The following SDK1 variants were observed in gnomAD, a reference collection of about 807,000 sequenced individuals.
SDK1 encodes the protein protein sidekick-1.
Under a neutral mutation model 245.5 loss-of-function variants are expected in SDK1, and 157 were observed. The observed-to-expected ratio is 0.64, with a 90% confidence interval of 0.56 to 0.73. The LOEUF is 0.73. Ranked by LOEUF, SDK1 falls within the 30% of genes least tolerant of loss-of-function variation. SDK1 has a pLI of 0.00. For missense variants in SDK1, 3,583 were observed against 3,002.3 expected, an observed-to-expected ratio of 1.19 and a Z score of -4.52; for synonymous variants, 1,647 against 1,278.5, an observed-to-expected ratio of 1.29 and a Z score of -6.15.
At chr7:3,680,740 C>G (rs1784074490) in intron 4 of SDK1, among the ~76,000 whole-genome samples, 1 of 152,078 alleles carries the variant, frequency 6.6e-6, no homozygotes, top group South Asian at 2.1e-4. Context: ...TCTGAGAATC[C>G]CTAGGTTTGT....
chr7:3,899,178 C>T (rs1464192432), intron 5 of SDK1, among the ~76,000 whole-genome samples: 1 of 152,196 alleles, frequency 6.6e-6, no homozygotes, highest in Non-Finnish European at 1.5e-5. Context: ...TGTTCACCCT[C>T]CCTGATCTGC....
In SDK1 at chr7:3,946,574, C is replaced by A. The variant is rs116659283; in HGVS notation, c.848-4349C>A. Among the ~76,000 whole-genome samples the A allele has an allele frequency of 2.3e-3, 350 of 152,228 alleles. 3 individuals carry two copies. The highest frequency in any genetic ancestry group is 8.0e-3 in the African/African-American group (333 of 41,544). ...TCAAGAGAGCCACTCACCTTGGCCT[C>A]CCAAAGTTCTGGGATTACAGATGTA... On this transcript the variant is annotated intron_variant, in intron 5 of 44. Coordinates refer to ENST00000404826, the MANE Select transcript of SDK1 (RefSeq NM_152744.4).
At position 3,577,180 on chromosome 7, in the gene SDK1, C is replaced by T. The variant is rs530420039; in HGVS notation, c.299-41900C>T. On this transcript the variant is annotated intron_variant, in intron 1 of 44. Transcript: ENST00000404826. ...CACTCCTCCATCTGGAATCGCAGAC[C>T]TACTGCAAGACCCCCATAGCCCACC... 2.9e-4 allele frequency among the ~76,000 whole-genome samples: 44 copies of T among 152,156 alleles called. 1 individual carries two copies. Among genetic ancestry groups the T allele is most frequent in the African/African-American group, 9.6e-4 (40 of 41,538 alleles).
chr7:3,761,798 T>G (rs1780113448), intron 4 of SDK1, among the ~76,000 whole-genome samples: 1 of 151,968 alleles, frequency 6.6e-6, no homozygotes, highest in Non-Finnish European at 1.5e-5. Flanking sequence ...AAATACAAAC[T>G]GACAACAAAA....
chr7:4,233,300 C>T lies in SDK1; in HGVS notation c.5873C>T (p.Ala1958Val), dbSNP rs1159179656. Residue 1958 changes from alanine (A) to valine (V), a missense_variant, in exon 41 of 45, where the codon GCC becomes GTC. Coordinates refer to ENST00000404826, the MANE Select transcript of SDK1 (RefSeq NM_152744.4). ...DMFVKDIPRSATSYTLSLDKL... is the reference protein window; with the variant it reads ...DMFVKDIPRSVTSYTLSLDKL... ...TTTGTGAAGGACATCCCGCGGAGCG[C>T]CACATCCTACACCCTCAGCCTGGAT... 6.2e-7 allele frequency: 1 copy of T among 1,613,838 alleles called. No individual in the cohort carries two copies. Among genetic ancestry groups the T allele is most frequent in the Admixed American group, 1.7e-5 (1 of 60,012 alleles).
chr7:3,683,707 G>C (rs186633407), intron 4 of SDK1, among the ~76,000 whole-genome samples: 1 of 152,214 alleles, frequency 6.6e-6, no homozygotes, highest in Non-Finnish European at 1.5e-5. Flanking sequence ...CTTGGGACTT[G>C]AGGCATGAGG....
intron 1 of SDK1, among the ~76,000 whole-genome samples, chr7:3,349,188 T>TA (rs112013810): frequency 0.44 from 66,091 of 150,398 alleles, 14,506 homozygotes; most frequent in East Asian, 0.51. Flanking sequence ...GGTTGCAGTT[T>TA]AAAAAAAAAC....
At chr7:4,223,441 C>T (rs1181133654) in intron 40 of SDK1, among the ~76,000 whole-genome samples, 2 of 152,238 alleles carry the variant, frequency 1.3e-5, no homozygotes, top group African/African-American at 4.8e-5. Flanking sequence ...AGGGCAGGCT[C>T]CTCCTGAGGC....
intron 4 of SDK1, among the ~76,000 whole-genome samples, chr7:3,804,789 TCA>T (rs1466929126): frequency 6.6e-6 from 1 of 152,256 alleles, no homozygotes; most frequent in Non-Finnish European, 1.5e-5. Flanking sequence ...TGCTAGGTTC[TCA>T]CCTATTTCTG....
chr7:3,836,170 C>T (rs184759821), intron 5 of SDK1, among the ~76,000 whole-genome samples: 6 of 152,344 alleles, frequency 3.9e-5, no homozygotes, highest in Admixed American at 2.0e-4. Context: ...TGGAATAACA[C>T]TCGTGTTCAT....
intron 4 of SDK1, among the ~76,000 whole-genome samples, chr7:3,684,396 A>C (rs1057473271): frequency 6.6e-6 from 1 of 152,220 alleles, no homozygotes; most frequent in African/African-American, 2.4e-5. Context: ...CCCCTCACTG[A>C]GAAGCAGCAA....
At chr7:4,083,679 C>T (rs1341551562) in intron 22 of SDK1, among the ~76,000 whole-genome samples, 1 of 528 alleles carries the variant, frequency 1.9e-3, no homozygotes, top group Non-Finnish European at 4.6e-3. Context: ...CTCCCTCTCT[C>T]CCTTCACTTC....
At chr7:3,348,748 A>C (rs927952307) in intron 1 of SDK1, among the ~76,000 whole-genome samples, 2 of 152,142 alleles carry the variant, frequency 1.3e-5, no homozygotes, top group East Asian at 3.8e-4. Flanking sequence ...TTAAATACTC[A>C]TTTGGAGGAC....
At chr7:4,161,753 C>T (rs376434297) in intron 31 of SDK1, 33 bp from the exon 32 acceptor site, 2 of 1,593,554 alleles carry the variant, frequency 1.3e-6, no homozygotes, top group Non-Finnish European at 1.7e-6. Flanking sequence ...AACAACCACC[C>T]TGACCCCCGC....
At chr7:3,492,847 T>C (rs543757839) in intron 1 of SDK1, among the ~76,000 whole-genome samples, 15 of 152,262 alleles carry the variant, frequency 9.9e-5, no homozygotes, top group Admixed American at 4.6e-4. Flanking sequence ...AGTTGACTAA[T>C]GACTAAAATT....
At chr7:3,370,792 G>A (rs1011944513) in intron 1 of SDK1, among the ~76,000 whole-genome samples, 4 of 152,182 alleles carry the variant, frequency 2.6e-5, no homozygotes, top group Non-Finnish European at 4.4e-5. Flanking sequence ...TGTACACAGT[G>A]TGCATAGCTT....
intron 1 of SDK1, among the ~76,000 whole-genome samples, chr7:3,556,741 C>G (rs1013739234): frequency 6.6e-6 from 1 of 151,946 alleles, no homozygotes; most frequent in African/African-American, 2.4e-5. Context: ...AGGCAGTGAG[C>G]CAAGATCACG....
At chr7:3,671,000 T>C (rs369769476) in intron 4 of SDK1, among the ~76,000 whole-genome samples, 8 of 152,236 alleles carry the variant, frequency 5.3e-5, no homozygotes, top group African/African-American at 1.9e-4. Context: ...TTACCACGAT[T>C]ACAGTTAAAA....
chr7:4,260,798 C>A (rs1314091620), intron 44 of SDK1, among the ~76,000 whole-genome samples: 1 of 148,570 alleles, frequency 6.7e-6, no homozygotes, highest in Non-Finnish European at 1.5e-5. Flanking sequence ...ATGTGTTCAT[C>A]GTCACCTGAT....
Sources: gnomAD v4.1 joint callset for allele counts (sites outside exome capture counted in the v4.1 genomes callset) on GRCh38, gnomAD v4.1.1 for gene constraint, MANE v1.5 for transcripts, NCBI Gene and HGNC (gene_info 2026-07-23, HGNC 2026-07-21) for gene names.